INTS4: variants seen among roughly 807,000 people sequenced by gnomAD.
The protein encoded by INTS4 is MSTP093.
Under a neutral mutation model 119.5 loss-of-function variants are expected in INTS4, and 70 were observed. The observed-to-expected ratio is 0.59, with a 90% CI of 0.48 to 0.71. The LOEUF (loss-of-function observed/expected upper bound fraction) is 0.71. Among genes scored for constraint, INTS4 ranks in the 30% least tolerant of loss-of-function variants. The pLI is 0.00. For missense variants in INTS4, 867 were observed against 1,173.2 expected (o/e 0.74, Z 3.81); for synonymous variants, 316 against 419.6 (o/e 0.75, Z 3.02).
chr11:77,981,439 G>C lies in INTS4; in HGVS notation c.364+20C>G, dbSNP rs1281354218. 2 of 1,245,612 alleles carry C rather than the reference G, an allele frequency of 1.6e-6. No individual in the cohort carries two copies. The highest frequency in any genetic ancestry group is 3.0e-5 in the African/African-American group (2 of 66,728). The allele number at this position is 1,245,612 out of a possible 1,614,324, so 77.2% of individuals were successfully genotyped here. Reference sequence around the variant, plus strand: ...TAAATATTTCTGCTCTGACTATAGAGCTTTTAAATTGCAACTTACTTTCAT... The same window carrying C: ...TAAATATTTCTGCTCTGACTATAGACCTTTTAAATTGCAACTTACTTTCAT... On this transcript the variant is annotated intron_variant, in intron 3 of 22. Coordinates refer to ENST00000534064, the MANE Select transcript of INTS4 (RefSeq NM_033547.4).
intron 4 of INTS4, among the ~76,000 whole-genome samples, chr11:77,974,895 C>T (rs1488124347): frequency 6.6e-6 from 1 of 152,146 alleles, no homozygotes; most frequent in South Asian, 2.1e-4. Flanking sequence ...CCACCGCCCT[C>T]GACAGTATCC....
intron 4 of INTS4, among the ~76,000 whole-genome samples, chr11:77,970,362 G>C (rs1256859864): frequency 6.6e-6 from 1 of 151,708 alleles, no homozygotes; most frequent in Non-Finnish European, 1.5e-5. Context: ...TCGCACCACT[G>C]CACTCCAGCT....
intron 10 of INTS4, among the ~76,000 whole-genome samples, chr11:77,938,019 G>A (rs1300126912): frequency 1.3e-5 from 2 of 151,790 alleles, no homozygotes; most frequent in Non-Finnish European, 2.9e-5. Flanking sequence ...GCTATTTTTT[G>A]TATTTTTAGT....
intron 18 of INTS4, among the ~76,000 whole-genome samples, chr11:77,897,556 A>G (rs985931216): frequency 6.6e-6 from 1 of 151,366 alleles, no homozygotes; most frequent in African/African-American, 2.4e-5. Flanking sequence ...GCTGGAGTGC[A>G]GTGGTGGGAT....
At chr11:77,894,183 C>A (rs1244872776) in intron 19 of INTS4, 107 bp downstream of exon 19, 1 of 616,000 alleles carries the variant, frequency 1.6e-6, no homozygotes, top group Non-Finnish European at 2.9e-6. Flanking sequence ...AGCTTGGCTG[C>A]ACAAGCTAAA....
At chr11:77,884,106 T>A (rs1184875083) in intron 21 of INTS4, among the ~76,000 whole-genome samples, 154 bp from the exon 22 acceptor site, 1 of 152,158 alleles carries the variant, frequency 6.6e-6, no homozygotes, top group African/African-American at 2.4e-5. Context: ...ACTGTAGACA[T>A]CTCTATTCCC....
intron 8 of INTS4, among the ~76,000 whole-genome samples, chr11:77,951,863 A>T (rs554161205): frequency 9.2e-5 from 14 of 152,364 alleles, no homozygotes; most frequent in African/African-American, 3.4e-4. Flanking sequence ...GGATATGAGC[A>T]GACACTTCTC....
intron 15 of INTS4, among the ~76,000 whole-genome samples, chr11:77,908,733 T>C (rs1953021998): frequency 6.6e-6 from 1 of 152,270 alleles, no homozygotes; most frequent in Non-Finnish European, 1.5e-5. Flanking sequence ...GGTGGTTTTC[T>C]GGATAATGGT....
chr11:77,896,387 C>T (rs1029172780), intron 18 of INTS4, among the ~76,000 whole-genome samples: 1 of 152,168 alleles, frequency 6.6e-6, no homozygotes, highest in African/African-American at 2.4e-5. Context: ...CACAGTGGCT[C>T]ACGCCTGTAA....
At chr11:77,958,289 C>T (rs1361002245) in intron 7 of INTS4, among the ~76,000 whole-genome samples, 1 of 151,640 alleles carries the variant, frequency 6.6e-6, no homozygotes, top group Non-Finnish European at 1.5e-5. Context: ...ATAATATTGC[C>T]TACCTCCTCA....
chr11:77,909,575 T>C lies in INTS4; in HGVS notation c.1923-1765A>G, dbSNP rs551513865. On this transcript the variant is annotated intron_variant, in intron 15 of 22. Coordinates refer to ENST00000534064, the MANE Select transcript of INTS4 (RefSeq NM_033547.4). ...ACCTCACTTCCTCATAACATCACCT[T>C]GGGGTTAGGATTGCAGTATATGAAT... Among the ~76,000 whole-genome samples the C allele has an allele frequency of 3.9e-5, 6 of 152,302 alleles. No homozygotes were observed. The East Asian group carries it at 1.2e-3, about 29-fold the overall frequency.
At chr11:77,888,823 A>G (rs1237699868) in intron 21 of INTS4, among the ~76,000 whole-genome samples, 1 of 152,230 alleles carries the variant, frequency 6.6e-6, no homozygotes, top group East Asian at 1.9e-4. Context: ...CATATGAAAA[A>G]ATGCTCATCA....
chr11:77,956,128 G>A, intron 7 of INTS4, 66 bp from the exon 8 acceptor site: 1 of 1,532,384 alleles, frequency 6.5e-7, no homozygotes, highest in Non-Finnish European at 8.7e-7. Context: ...GCAGGCTCAG[G>A]CCAGGCACAG....
chr11:77,990,489 C>T (rs1856631755), intron 2 of INTS4, among the ~76,000 whole-genome samples: 1 of 151,978 alleles, frequency 6.6e-6, no homozygotes, highest in Admixed American at 6.6e-5. Flanking sequence ...AGTTCGAGAC[C>T]AGCCTGGCCA....
At chr11:77,968,474 G>A (rs1314703552) in intron 4 of INTS4, among the ~76,000 whole-genome samples, 1 of 152,152 alleles carries the variant, frequency 6.6e-6, no homozygotes, top group Non-Finnish European at 1.5e-5. Flanking sequence ...TAGAATGGTG[G>A]TTGTTAGGGA....
At chr11:77,984,038 T>TACAC (rs1856356459) in intron 2 of INTS4, among the ~76,000 whole-genome samples, 1 of 152,162 alleles carries the variant, frequency 6.6e-6, no homozygotes, top group South Asian at 2.1e-4. Context: ...CATAATGGAA[T>TACAC]ATTATTTAGC....
intron 10 of INTS4, among the ~76,000 whole-genome samples, chr11:77,929,019 C>CAAA (rs545705756): frequency 1.6e-5 from 2 of 127,044 alleles, no homozygotes; most frequent in African/African-American, 3.0e-5. Context: ...GCCCCTGTCT[C>CAAA]AAAAAAAAAA....
chr11:77,918,105 G>T (rs1282261968), intron 15 of INTS4: 1 of 702,418 alleles, frequency 1.4e-6, no homozygotes, highest in Non-Finnish European at 2.6e-6. Flanking sequence ...GTTAAGCAGA[G>T]GCTGCTTGAT....
At chr11:77,930,834 A>G (rs1377495842) in intron 10 of INTS4, among the ~76,000 whole-genome samples, 1 of 152,204 alleles carries the variant, frequency 6.6e-6, no homozygotes, top group Non-Finnish European at 1.5e-5. Context: ...AGTTAATTAA[A>G]AATAAATAAA....
Sources: gnomAD v4.1 joint callset for allele counts (sites outside exome capture counted in the v4.1 genomes callset) on GRCh38, gnomAD v4.1.1 for gene constraint, MANE v1.5 for transcripts, NCBI Gene and HGNC (gene_info 2026-07-23, HGNC 2026-07-21) for gene names.